Variants in NRXN1 observed in about 807,000 individuals in gnomAD.
NRXN1 encodes the protein neurexin-1.
Under a neutral mutation model 150.9 loss-of-function variants are expected in NRXN1, and 39 were observed. The ratio of observed to expected loss-of-function variants is 0.26; its 90% CI spans 0.20 to 0.34. The LOEUF (loss-of-function observed/expected upper bound fraction) is 0.34, where lower values mean the gene tolerates loss of function less well. Ranked by LOEUF, NRXN1 falls within the 10% of genes least tolerant of loss-of-function variation. NRXN1 has a pLI of 1.00. For synonymous variants in NRXN1, 924 were observed against 757.0 expected (o/e 1.22, Z -3.62); for missense variants, 1,815 against 1,949.9 (o/e 0.93, Z 1.30).
intron 17 of NRXN1, among the ~76,000 whole-genome samples, chr2:50,454,104 T>C (rs2087272248): frequency 1.3e-5 from 2 of 152,078 alleles, no homozygotes; most frequent in East Asian, 3.9e-4. Context: ...GGTGGGCAGA[T>C]CACTTGAGGT....
intron 5 of NRXN1, among the ~76,000 whole-genome samples, chr2:50,857,437 T>G (rs1240824042): frequency 6.6e-6 from 1 of 152,194 alleles, no homozygotes; most frequent in Admixed American, 6.5e-5. Flanking sequence ...CTTCCACCCC[T>G]TTCCTTTGTA....
At chr2:50,186,577 G>A (rs1261809767) in intron 18 of NRXN1, among the ~76,000 whole-genome samples, 2 of 151,924 alleles carry the variant, frequency 1.3e-5, no homozygotes, top group South Asian at 2.1e-4. Flanking sequence ...ATGTCTCAAC[G>A]AATTTAAAAA....
At chr2:50,197,885 T>C (rs1207303861) in intron 18 of NRXN1, among the ~76,000 whole-genome samples, 1 of 152,146 alleles carries the variant, frequency 6.6e-6, no homozygotes, top group Non-Finnish European at 1.5e-5. Context: ...TTATTGCAAG[T>C]CAAGTCACAA....
intron 8 of NRXN1, among the ~76,000 whole-genome samples, chr2:50,608,766 ACT>A (rs1361718878): frequency 6.6e-6 from 1 of 152,028 alleles, no homozygotes; most frequent in Non-Finnish European, 1.5e-5. Context: ...CTCATATGAG[ACT>A]CTGCTTGGTT....
At chr2:50,868,489 C>A (rs901752645) in intron 5 of NRXN1, among the ~76,000 whole-genome samples, 1 of 151,368 alleles carries the variant, frequency 6.6e-6, no homozygotes, top group South Asian at 2.1e-4. Flanking sequence ...ATACTAAAAG[C>A]CCAGACTCCA....
At chr2:50,991,095 G>T (rs1443943184) in intron 2 of NRXN1, among the ~76,000 whole-genome samples, 4 of 152,038 alleles carry the variant, frequency 2.6e-5, no homozygotes, top group Non-Finnish European at 5.9e-5. Context: ...AAATGAGACA[G>T]ACTTAGCTTT....
chr2:50,150,618 T>G (rs2152771633), intron 18 of NRXN1, among the ~76,000 whole-genome samples: 1 of 151,920 alleles, frequency 6.6e-6, no homozygotes, highest in Non-Finnish European at 1.5e-5. Flanking sequence ...ATAACAGGTT[T>G]TGTAGAATAA....
chr2:50,041,048 A>C (rs1174632233), intron 21 of NRXN1, among the ~76,000 whole-genome samples: 1 of 152,138 alleles, frequency 6.6e-6, no homozygotes, highest in Non-Finnish European at 1.5e-5. Context: ...TCAAAATAAT[A>C]ACAGCTATCT....
intron 17 of NRXN1, among the ~76,000 whole-genome samples, chr2:50,278,798 G>T (rs567970657): frequency 3.3e-5 from 5 of 152,070 alleles, no homozygotes; most frequent in African/African-American, 1.2e-4. Context: ...GCAACAGCTC[G>T]AAGACTTCTT....
intron 5 of NRXN1, among the ~76,000 whole-genome samples, chr2:50,814,686 C>T (rs1280779187): frequency 2.6e-5 from 4 of 152,062 alleles, no homozygotes; most frequent in Non-Finnish European, 5.9e-5. Flanking sequence ...TCAAGGATCT[C>T]ACTTAAAAAT....
chr2:49,923,043 C>A (rs1036849847), intron 22 of NRXN1, among the ~76,000 whole-genome samples: 6 of 152,110 alleles, frequency 3.9e-5, no homozygotes, highest in African/African-American at 1.4e-4. Flanking sequence ...TTTTATTCAA[C>A]TGACAAAACC....
chr2:50,168,453 C>T (rs1222880000), intron 18 of NRXN1, among the ~76,000 whole-genome samples: 5 of 151,928 alleles, frequency 3.3e-5, no homozygotes, highest in African/African-American at 1.2e-4. Context: ...GTTCATTTGA[C>T]GTCACATAAA....
At chr2:50,836,864 A>G (rs201539376) in intron 5 of NRXN1, among the ~76,000 whole-genome samples, 1 of 151,880 alleles carries the variant, frequency 6.6e-6, no homozygotes, top group East Asian at 1.9e-4. Flanking sequence ...AAACAGAAGA[A>G]CAAATATGAC....
chr2:50,909,912 A>C (rs1293124418), intron 5 of NRXN1, among the ~76,000 whole-genome samples: 1 of 152,030 alleles, frequency 6.6e-6, no homozygotes, highest in African/African-American at 2.4e-5. Context: ...AATCAAAGAA[A>C]TTTAAAAATA....
intron 22 of NRXN1, among the ~76,000 whole-genome samples, chr2:49,939,998 T>C (rs540287402): frequency 1.3e-5 from 2 of 152,268 alleles, no homozygotes; most frequent in South Asian, 4.1e-4. Flanking sequence ...AATTTACTAG[T>C]ACTCAAGATG....
intron 17 of NRXN1, among the ~76,000 whole-genome samples, chr2:50,259,772 T>A (rs1483074945): frequency 1.3e-5 from 2 of 152,022 alleles, no homozygotes; most frequent in Admixed American, 6.6e-5. Context: ...ATGAAACAGG[T>A]TTCACTATAC....
At chr2:49,955,175 G>C (rs1283201830) in intron 21 of NRXN1, among the ~76,000 whole-genome samples, 2 of 151,876 alleles carry the variant, frequency 1.3e-5, no homozygotes, top group Non-Finnish European at 2.9e-5. Flanking sequence ...CTACATTTTT[G>C]GTTATGAAAA....
chr2:50,823,379 A>G (rs1289705811), intron 5 of NRXN1, among the ~76,000 whole-genome samples: 1 of 152,120 alleles, frequency 6.6e-6, no homozygotes, highest in African/African-American at 2.4e-5. Flanking sequence ...TTCTGGAAAA[A>G]ATAATAAAAA....
intron 5 of NRXN1, chr2:50,632,732 A>C (rs1682559203): frequency 6.6e-6 from 1 of 152,058 alleles, no homozygotes; most frequent in Admixed American, 6.6e-5. Flanking sequence ...ATATATATTG[A>C]TATCATGGCA....
Sources: allele counts gnomAD v4.1 joint callset (sites outside exome capture counted in the v4.1 genomes callset), GRCh38; gene constraint gnomAD v4.1.1; transcripts MANE v1.5; gene names NCBI Gene and HGNC (gene_info 2026-07-23, HGNC 2026-07-21).